The following PRKN variants were observed in gnomAD, a reference collection of about 807,000 sequenced individuals.
PRKN encodes parkin RBR E3 ubiquitin protein ligase.
A neutral mutation model predicts 59.5 loss-of-function variants in PRKN; 56 were observed. The observed-to-expected ratio is 0.94, with a 90% CI of 0.76 to 1.18. The LOEUF (loss-of-function observed/expected upper bound fraction) is 1.18, where lower values mean the gene tolerates loss of function less well. PRKN is among the 50% of genes most tolerant of loss of function. The probability of loss-of-function intolerance (pLI) is 0.00; values close to 1 mark genes in which losing one functional copy is unlikely to be tolerated. For synonymous variants in PRKN, 250 were observed against 222.1 expected (o/e 1.13, Z -1.12); for missense variants, 657 against 596.4 (o/e 1.10, Z -1.06).
intron 7 of PRKN, among the ~76,000 whole-genome samples, chr6:161,693,772 TG>T (rs1183870197): frequency 1.3e-5 from 2 of 152,218 alleles, no homozygotes; most frequent in Non-Finnish European, 2.9e-5. Context: ...CTTTTCATAA[TG>T]GGTGCACAGC....
At chr6:162,515,112 C>T (rs1350927679) in intron 1 of PRKN, among the ~76,000 whole-genome samples, 3 of 139,904 alleles carry the variant, frequency 2.1e-5, no homozygotes, top group Admixed American at 7.5e-5. Flanking sequence ...GATGGAGTTT[C>T]ACTCTTGTCA....
At chr6:162,467,368 T>C (rs1318278726) in intron 1 of PRKN, among the ~76,000 whole-genome samples, 3 of 152,232 alleles carry the variant, frequency 2.0e-5, no homozygotes, top group South Asian at 2.1e-4. Flanking sequence ...CAAGCACTTA[T>C]CATGCGCTCT....
intron 4 of PRKN, among the ~76,000 whole-genome samples, chr6:162,087,359 T>C (rs1374068378): frequency 6.6e-6 from 1 of 152,032 alleles, no homozygotes; most frequent in Non-Finnish European, 1.5e-5. Flanking sequence ...GTTGAGAACA[T>C]GAGAATGCCC....
In PRKN at chr6:162,453,788, A is replaced by G. The variant is rs559917513; in HGVS notation, c.8-10315T>C. ...CGTGGTGGCGCACACCTGTAATCCC[A>G]GCTACTCAGGAGGCTGAGACAGGAG... On this transcript the variant is annotated intron_variant, in intron 1 of 11. Transcript: ENST00000366898. Among the ~76,000 whole-genome samples, 78 of 152,132 alleles carry G rather than the reference A, an allele frequency of 5.1e-4. 1 individual carries two copies. Among genetic ancestry groups the G allele is most frequent in the Non-Finnish European group, 1.0e-3 (68 of 68,040 alleles).
chr6:161,936,697 G>T (rs573515532), intron 6 of PRKN, among the ~76,000 whole-genome samples: 1 of 152,174 alleles, frequency 6.6e-6, no homozygotes, highest in South Asian at 2.1e-4. Context: ...TTCTCATTGA[G>T]GAAGGGCAAA....
At chr6:162,033,427 T>C (rs950902805) in intron 5 of PRKN, among the ~76,000 whole-genome samples, 7 of 152,246 alleles carry the variant, frequency 4.6e-5, no homozygotes, top group African/African-American at 1.7e-4. Context: ...TCATAATTTA[T>C]GCTCTGTAAT....
intron 9 of PRKN, among the ~76,000 whole-genome samples, chr6:161,506,850 A>G (rs1315917162): frequency 6.6e-6 from 1 of 152,232 alleles, no homozygotes; most frequent in Non-Finnish European, 1.5e-5. Flanking sequence ...GCAGTACCAA[A>G]AAGTCAATTT....
At position 161,369,775 on chromosome 6, in the gene PRKN, CTT is replaced by C. The variant is rs1030222908; in HGVS notation, c.1168-9572_1168-9571del. On this transcript the variant is annotated intron_variant, in intron 10 of 11. Coordinates refer to ENST00000366898, the MANE Select transcript of PRKN (RefSeq NM_004562.3). The surrounding 1 kb of genome is among the most constrained non-coding windows in gnomAD (Gnocchi z 5.8). The stretch of plus-strand genomic sequence containing the variant: ...ATATATATGAAACATCTATAATATA[CTT>C]ATATATAGATGTTTCATATATATAT... Among the ~76,000 whole-genome samples the C allele has an allele frequency of 6.6e-6, 1 of 150,564 alleles. No homozygotes were observed. The highest frequency in any genetic ancestry group is 2.4e-5 in the African/African-American group (1 of 40,938).
chr6:161,484,026 G>A lies in PRKN; in HGVS notation c.1083+64828C>T, dbSNP rs1791536618. On this transcript the variant is annotated intron_variant, in intron 9 of 11. Transcript: ENST00000366898. This position sits in a 1 kb window ranked among gnomAD's most constrained non-coding sequence, Gnocchi z 4.9. ...ACAACACACACTGGGGCCTGCTGGG[G>A]GGTTGTGGGGAGGGAGAGCATCAGG... Among the ~76,000 whole-genome samples the A allele has an allele frequency of 6.6e-6, 1 of 152,098 alleles. No homozygotes were observed. The highest frequency in any genetic ancestry group is 2.4e-5 in the African/African-American group (1 of 41,400).
intron 1 of PRKN, among the ~76,000 whole-genome samples, chr6:162,533,386 G>A (rs185910618): frequency 8.0e-4 from 121 of 152,180 alleles, no homozygotes; most frequent in African/African-American, 2.8e-3. Flanking sequence ...AAGTTAGCAG[G>A]GCATGGTGGC....
At chr6:161,676,866 A>C (rs79026473) in intron 7 of PRKN, among the ~76,000 whole-genome samples, 3,588 of 152,292 alleles carry the variant, frequency 0.024, 44 homozygotes, top group Middle Eastern at 0.048. Context: ...TGGCTCTGTC[A>C]GACTACAGGG....
chr6:162,165,462 T>C lies in PRKN; in HGVS notation c.534+35669A>G, dbSNP rs533640012. Among the ~76,000 whole-genome samples, 153 of 149,338 alleles carry C rather than the reference T, an allele frequency of 1.0e-3. 18 individuals carry two copies. Among genetic ancestry groups the C allele is most frequent in the African/African-American group, 3.8e-3 (151 of 39,758 alleles). Reference sequence around the variant, plus strand: ...AGATCAAAGCTTCCAGAACAATATATACATTTCCTAATGAACCTAATTTGA... The same window carrying C: ...AGATCAAAGCTTCCAGAACAATATACACATTTCCTAATGAACCTAATTTGA... On this transcript the variant is annotated intron_variant, in intron 4 of 11. Coordinates refer to ENST00000366898, the MANE Select transcript of PRKN (RefSeq NM_004562.3).
intron 6 of PRKN, among the ~76,000 whole-genome samples, chr6:161,971,072 TTA>T (rs1277383005): frequency 6.6e-6 from 1 of 152,152 alleles, no homozygotes; most frequent in Non-Finnish European, 1.5e-5. Flanking sequence ...AAGTGGTTGG[TTA>T]TATACACACA....
At chr6:161,790,770 T>C (rs959548282) in intron 6 of PRKN, among the ~76,000 whole-genome samples, 6 of 152,182 alleles carry the variant, frequency 3.9e-5, no homozygotes, top group African/African-American at 1.2e-4. Context: ...GATTTTGTTA[T>C]AGCAGCCAGA....
intron 4 of PRKN, among the ~76,000 whole-genome samples, chr6:162,149,542 C>G (rs1387764105): frequency 6.6e-6 from 1 of 152,080 alleles, no homozygotes; most frequent in Non-Finnish European, 1.5e-5. Context: ...CCATGCCCAG[C>G]CAAGACTGTA....
chr6:161,443,353 G>A (rs922246070), intron 9 of PRKN, among the ~76,000 whole-genome samples: 1 of 151,136 alleles, frequency 6.6e-6, no homozygotes, highest in African/African-American at 2.4e-5. Context: ...CCTCCAACAC[G>A]CGTGGTCTTA....
At chr6:161,542,607 A>C (rs111755333) in intron 9 of PRKN, among the ~76,000 whole-genome samples, 1 of 152,232 alleles carries the variant, frequency 6.6e-6, no homozygotes, top group Non-Finnish European at 1.5e-5. Context: ...TTTTGGACAC[A>C]TGTCAAATAA....
intron 1 of PRKN, among the ~76,000 whole-genome samples, chr6:162,481,256 A>C (rs1314393754): frequency 6.6e-6 from 1 of 152,206 alleles, no homozygotes; most frequent in Admixed American, 6.5e-5. Context: ...ATAATAGCAA[A>C]CAGGATACCA....
chr6:161,577,416 G>C (rs1377315621), intron 7 of PRKN, among the ~76,000 whole-genome samples: 1 of 152,162 alleles, frequency 6.6e-6, no homozygotes, highest in East Asian at 1.9e-4. Context: ...AATAACCTTG[G>C]AAAAGGCTGA....
Sources: gnomAD v4.1 joint callset for allele counts (sites outside exome capture counted in the v4.1 genomes callset) on GRCh38, gnomAD v4.1.1 for gene constraint, Gnocchi (gnomAD v3.1) non-coding constraint, MANE v1.5 for transcripts, NCBI Gene and HGNC (gene_info 2026-07-23, HGNC 2026-07-21) for gene names.